Variants in PDE4A observed in about 807,000 individuals in gnomAD.
The protein encoded by PDE4A is 3',5'-cyclic-AMP phosphodiesterase 4A.
A neutral mutation model predicts 73.9 loss-of-function variants in PDE4A; 21 were observed. The ratio of observed to expected loss-of-function variants is 0.28; its 90% CI spans 0.20 to 0.41. The LOEUF is 0.41. Among genes scored for constraint, PDE4A ranks in the 10% least tolerant of loss-of-function variants. The pLI is 1.00. For synonymous variants in PDE4A, 463 were observed against 505.4 expected (o/e 0.92, Z 1.13); for missense variants, 958 against 1,211.4 (o/e 0.79, Z 3.10).
chr19:10,465,683 CTTTTTTTTTTTTTTTTTT>C (rs749126870), intron 14 of PDE4A, among the ~76,000 whole-genome samples: 7 of 48,368 alleles, frequency 1.4e-4, no homozygotes, highest in East Asian at 6.3e-4. Flanking sequence ...GTGGCTTTAG[CTTTTTTTTTTTTTTTTTT>C]TTTTTTTTTT....
chr19:10,467,603 A>G lies in PDE4A; in HGVS notation c.2643A>G (p.Ser881=), dbSNP rs915256381. The change falls in exon 15 of 15, where the codon TCA becomes TCG. Residue 881 remains serine (S), a synonymous_variant. Coordinates refer to ENST00000380702, the MANE Select transcript of PDE4A (RefSeq NM_001111307.2). ...TCCCAGCTCCTGGTGGCGGGGGGTC[A>G]GGTGGAGACCCTACCTGATCCCCAG... ...SALPAPGGGG[S]GGDPT 1 of 1,577,202 alleles carries G rather than the reference A, an allele frequency of 6.3e-7. No individual in the cohort carries two copies. Among genetic ancestry groups the G allele is most frequent in the Middle Eastern group, 2.1e-4 (1 of 4,810 alleles).
chr19:10,429,784 C>T (rs1026370114), intron 1 of PDE4A, among the ~76,000 whole-genome samples: 2 of 152,034 alleles, frequency 1.3e-5, no homozygotes, highest in African/African-American at 4.8e-5. Flanking sequence ...CTAGTTGTGT[C>T]CCTGGGGTCT....
chr19:10,439,048 G>A (rs578238012), intron 1 of PDE4A, among the ~76,000 whole-genome samples: 5 of 152,274 alleles, frequency 3.3e-5, no homozygotes, highest in Non-Finnish European at 7.4e-5. Flanking sequence ...CGTGAATTAC[G>A]CTGCTGTGAA....
intron 6 of PDE4A, among the ~76,000 whole-genome samples, chr19:10,452,064 T>TTTTTGCA (rs2043099829): frequency 6.8e-6 from 1 of 146,352 alleles, no homozygotes; most frequent in Admixed American, 6.8e-5. Context: ...TGTGTGTGTA[T>TTTTTGCA]TTTTGCATCT....
intron 1 of PDE4A, among the ~76,000 whole-genome samples, chr19:10,443,128 G>T (rs1338985996): frequency 6.6e-6 from 1 of 151,942 alleles, no homozygotes; most frequent in Non-Finnish European, 1.5e-5. Context: ...AGCTATGATG[G>T]TTCCACTGCA....
chr19:10,421,222 G>C, intron 1 of PDE4A, 138 bp downstream of exon 1: 2 of 1,336,584 alleles, frequency 1.5e-6, no homozygotes, highest in South Asian at 2.0e-5. Context: ...TTCGGCTGCG[G>C]GGGCGTCTGG....
At chr19:10,417,789 C>G (rs1371602066), upstream of PDE4A, 1 of 1,559,434 alleles carries the variant, frequency 6.4e-7, no homozygotes, top group Admixed American at 1.9e-5. Flanking sequence ...CCCTGGGGTC[C>G]CTCTGCCGCC....
intron 1 of PDE4A, among the ~76,000 whole-genome samples, chr19:10,444,774 G>C (rs1476688842): frequency 6.6e-6 from 1 of 151,310 alleles, no homozygotes; most frequent in African/African-American, 2.4e-5. Flanking sequence ...CTGGGTTCAA[G>C]TGATTCTCCT....
intron 1 of PDE4A, chr19:10,431,141 C>A: frequency 8.0e-7 from 1 of 1,245,264 alleles, no homozygotes. Context: ...ACCTGGCGCA[C>A]TCCAGGGTCT....
Position 10,440,834 on chromosome 19 carries a change from G to A in PDE4A, c.321-5384G>A, listed in dbSNP as rs187031245. On this transcript the variant is annotated intron_variant, in intron 1 of 14. Coordinates refer to ENST00000380702, the MANE Select transcript of PDE4A (RefSeq NM_001111307.2). ...AGGATGGGCTCGATCTCCTGACCTC[G>A]TGATCCACCCACCTCGGCCTCCCAA... 1.5e-3 allele frequency among the ~76,000 whole-genome samples: 222 copies of A among 151,924 alleles called. 1 individual carries two copies. The highest frequency in any genetic ancestry group is 3.4e-3 in the Middle Eastern group (1 of 294).
intron 1 of PDE4A, chr19:10,430,928 G>T (rs1214827169): frequency 2.0e-6 from 3 of 1,515,846 alleles, no homozygotes; most frequent in Non-Finnish European, 2.6e-6. Flanking sequence ...AGGACGAGGC[G>T]TTCCTGCCCG....
intron 1 of PDE4A, among the ~76,000 whole-genome samples, chr19:10,427,302 A>C (rs1422297739): frequency 6.6e-6 from 1 of 152,188 alleles, no homozygotes; most frequent in African/African-American, 2.4e-5. Flanking sequence ...TCCGTCTAAC[A>C]AAAAACAAAA....
At chr19:10,430,046 G>A (rs1019702909) in intron 1 of PDE4A, among the ~76,000 whole-genome samples, 1 of 152,048 alleles carries the variant, frequency 6.6e-6, no homozygotes, top group Admixed American at 6.6e-5. Flanking sequence ...GGGGGATTCT[G>A]GGGGTACTGA....
intron 1 of PDE4A, among the ~76,000 whole-genome samples, chr19:10,431,658 C>T (rs2042790190): frequency 6.6e-6 from 1 of 152,054 alleles, no homozygotes; most frequent in Non-Finnish European, 1.5e-5. Context: ...GCCCTGGGGG[C>T]TTCTCCGGGT....
In PDE4A at chr19:10,420,663, G is replaced by T; in HGVS notation, c.-102G>T. On this transcript the variant is annotated 5_prime_UTR_variant, in exon 1 of 15. Coordinates refer to ENST00000380702, the MANE Select transcript of PDE4A (RefSeq NM_001111307.2). The surrounding 1 kb of genome is among the most constrained non-coding windows in gnomAD (Gnocchi z 6.0). ...GGGCGCCATGGCCCTACCGCGGCCG[G>T]GCGCACCCGCGGGGCCCTGGGCTCG... The T allele has an allele frequency of 7.3e-7, 1 of 1,365,340 alleles. No individual in the cohort carries two copies. Among genetic ancestry groups the T allele is most frequent in the Non-Finnish European group, 9.4e-7 (1 of 1,067,432 alleles). 84.6% of individuals were successfully genotyped at this position (1,365,340 alleles called of 1,614,324 possible). A position where few individuals can be genotyped will look rare whatever the true frequency, so the allele number is the denominator to read the frequency against.
At chr19:10,461,838 C>T in intron 12 of PDE4A, 39 bp from the exon 13 acceptor site, 1 of 1,601,904 alleles carries the variant, frequency 6.2e-7, no homozygotes, top group South Asian at 1.1e-5. Context: ...GTCTGGGGGG[C>T]GGGTGTCAGC....
chr19:10,440,806 G>C (rs1489683372), intron 1 of PDE4A, among the ~76,000 whole-genome samples: 1 of 151,774 alleles, frequency 6.6e-6, no homozygotes, highest in African/African-American at 2.4e-5. Context: ...CACTGTGTTA[G>C]CCAGGATGGG....
Position 10,441,681 on chromosome 19 carries a change from G to GTTT in PDE4A, c.321-4535_321-4534insTTT, listed in dbSNP as rs1200442230. Among the ~76,000 whole-genome samples the GTTT allele has an allele frequency of 1.3e-3, 177 of 131,728 alleles. 2 individuals carry two copies. The East Asian group carries it at 0.013, about 10-fold the overall frequency. 86.4% of individuals were successfully genotyped at this position (131,728 alleles called of 152,430 possible). On this transcript the variant is annotated intron_variant, in intron 1 of 14. Transcript: ENST00000380702. ...ATGTTTAGGTATTTGGTCATTTTGA[G>GTTT]TTATTTTTTTTTTTTTTTTTTTTTT...
At chr19:10,434,141 G>GTTTC (rs926667298) in intron 1 of PDE4A, among the ~76,000 whole-genome samples, 1 of 149,016 alleles carries the variant, frequency 6.7e-6, no homozygotes, top group Non-Finnish European at 1.5e-5. Flanking sequence ...ATGTGCCTCA[G>GTTTC]TTTCTTTCTT....
Sources: gnomAD v4.1 joint callset for allele counts (sites outside exome capture counted in the v4.1 genomes callset) on GRCh38, gnomAD v4.1.1 for gene constraint, Gnocchi (gnomAD v3.1) non-coding constraint, MANE v1.5 for transcripts, NCBI Gene and HGNC (gene_info 2026-07-23, HGNC 2026-07-21) for gene names.